The following CD163L1 variants were observed in gnomAD, a reference collection of about 807,000 sequenced individuals.
CD163L1 encodes CD163 molecule like 1, also known as scavenger receptor cysteine-rich type 1 protein M160.
In CD163L1, 124 loss-of-function variants were observed where a neutral mutation model predicts 165.4. The ratio of observed to expected loss-of-function variants is 0.75; its 90% confidence interval spans 0.65 to 0.87. CD163L1 has a LOEUF of 0.87. CD163L1 is among the 40% of genes least tolerant of loss of function. CD163L1 has a pLI of 0.00. For missense variants in CD163L1, 1,525 were observed against 1,799.9 expected, an observed-to-expected ratio of 0.85 and a Z score of 2.76; for synonymous variants, 585 against 662.2, an observed-to-expected ratio of 0.88 and a Z score of 1.79.
chr12:7,415,145 TA>T (rs538662961), intron 4 of CD163L1, among the ~76,000 whole-genome samples: 30 of 152,094 alleles, frequency 2.0e-4, no homozygotes, highest in Non-Finnish European at 3.8e-4. Context: ...TGTTACTGGA[TA>T]AAAAATATAA....
At chr12:7,422,475 G>T (rs1948457156) in intron 4 of CD163L1, among the ~76,000 whole-genome samples, 1 of 151,868 alleles carries the variant, frequency 6.6e-6, no homozygotes, top group Non-Finnish European at 1.5e-5. Context: ...CAGAAGGTGG[G>T]TAATAAGAAA....
chr12:7,349,524 G>A (rs1326003483), intron 4 of CD163L1, among the ~76,000 whole-genome samples: 1 of 152,166 alleles, frequency 6.6e-6, no homozygotes, highest in African/African-American at 2.4e-5. Flanking sequence ...TTCAGGAATT[G>A]CAAGTAATAA....
exon 5 of CD163L1, chr12:7,346,923 T>C (rs989051939): frequency 1.2e-4 from 18 of 152,194 alleles, no homozygotes; most frequent in African/African-American, 4.3e-4. Flanking sequence ...CCCGCAAACC[T>C]AGTCATTTAG....
intron 18 of CD163L1, among the ~76,000 whole-genome samples, chr12:7,366,845 AT>A (rs1406700606): frequency 1.3e-5 from 2 of 152,216 alleles, no homozygotes; most frequent in Non-Finnish European, 2.9e-5. Context: ...ACAAATATAG[AT>A]AAGATTCAAG....
chr12:7,421,481 G>A lies in CD163L1; in HGVS notation c.766+10935C>T, dbSNP rs867396296. Among the ~76,000 whole-genome samples, 246 of 93,216 alleles carry A rather than the reference G, an allele frequency of 2.6e-3. 37 individuals carry two copies. The highest frequency in any genetic ancestry group is 0.012 in the African/African-American group (228 of 18,918). The allele number at this position is 93,216 out of a possible 152,430, so 61.2% of individuals were successfully genotyped here. ...CATATATACATATATATACATATATGTACATATATACATATATGTACATAT... is the reference window on the plus strand; with the variant it reads ...CATATATACATATATATACATATATATACATATATACATATATGTACATAT... On this transcript the variant is annotated intron_variant, in intron 4 of 19. Coordinates refer to ENST00000313599, the MANE Select transcript of CD163L1 (RefSeq NM_174941.6).
At chr12:7,320,076 CTTAAGT>C in the CD163L1 span, among the ~76,000 whole-genome samples, 1 of 152,156 alleles carries the variant, frequency 6.6e-6, no homozygotes, top group African/African-American at 2.4e-5. Flanking sequence ...CTCCCAAATA[CTTAAGT>C]TTAATACAAA....
downstream of CD163L1, among the ~76,000 whole-genome samples, chr12:7,352,474 C>T (rs1946714171): frequency 6.6e-6 from 1 of 152,042 alleles, no homozygotes; most frequent in African/African-American, 2.4e-5. Context: ...AGACCACACA[C>T]ACATGCAGAA....
At chr12:7,321,003 GCCAGTAGCACCTCCT>G in the CD163L1 span, among the ~76,000 whole-genome samples, 3 of 152,092 alleles carry the variant, frequency 2.0e-5, no homozygotes, top group African/African-American at 7.2e-5. Context: ...TCTATTAGAC[GCCAGTAGCACCTCCT>G]CCTCCCCATT....
chr12:7,432,100 G>C lies in CD163L1; in HGVS notation c.766+316C>G, dbSNP rs1948638871. Among the ~76,000 whole-genome samples the C allele has an allele frequency of 6.6e-6, 1 of 152,120 alleles. No individual in the cohort carries two copies. The highest frequency in any genetic ancestry group is 2.4e-5 in the African/African-American group (1 of 41,414). ...TAGACTAAGAATGAGTGACCTCAGA[G>C]AAAGAAGGGAAAAATATGATATTGT... On this transcript the variant is annotated intron_variant, in intron 4 of 19. Coordinates refer to ENST00000313599, the MANE Select transcript of CD163L1 (RefSeq NM_174941.6). This position sits in a 1 kb window ranked among gnomAD's most constrained non-coding sequence, Gnocchi z 4.2.
chr12:7,350,723 CCAAA>C (rs1946701200), downstream of CD163L1, among the ~76,000 whole-genome samples: 1 of 151,954 alleles, frequency 6.6e-6, no homozygotes, highest in African/African-American at 2.4e-5. Context: ...TGATAATTAC[CCAAA>C]CAGATGTTAG....
chr12:7,340,840 G>A, the CD163L1 span, among the ~76,000 whole-genome samples: 8 of 152,172 alleles, frequency 5.3e-5, no homozygotes, highest in South Asian at 4.1e-4. Context: ...TCTCTTATAC[G>A]TCAACTTCCA....
rs1947765447 is a variant in CD163L1, at chr12:7,396,018, A to C, written c.2050+77T>G. On this transcript the variant is annotated intron_variant, in intron 8 of 19. Coordinates refer to ENST00000313599, the MANE Select transcript of CD163L1 (RefSeq NM_174941.6). ...GCAATGAGCACTCGGTCATAAATGT[A>C]CTGACTAAGAAGAAAGAAGGTATGT... is the stretch of plus-strand genomic sequence containing the variant. 9 of 1,171,854 alleles carry C rather than the reference A, an allele frequency of 7.7e-6. No individual in the cohort carries two copies. In the South Asian group the frequency reaches 1.2e-4, roughly 16 times the overall value. The allele number at this position is 1,171,854 out of a possible 1,614,324, so 72.6% of individuals were successfully genotyped here.
intron 18 of CD163L1, among the ~76,000 whole-genome samples, chr12:7,364,457 A>G (rs1946969617): frequency 1.3e-5 from 2 of 152,306 alleles, no homozygotes; most frequent in South Asian, 4.1e-4. Flanking sequence ...GGCAAGAGAA[A>G]GACATATGGG....
chr12:7,439,032 C>T, intron 2 of CD163L1: 4 of 1,605,664 alleles, frequency 2.5e-6, no homozygotes, highest in African/African-American at 1.4e-5. Flanking sequence ...TCGGTATCCT[C>T]CTCAGCACTC....
rs1476700890 is a variant in CD163L1 at position 7,374,557 on chromosome 12, G to T, written c.3294C>A (p.Ile1098=). ...SAHFGEGSGP[I]WLDDLNCTGM... ...CTGTGCAGTTCAGGTCATCCAGCCA[G>T]ATGGGCCCTGACCCCTCCCCAAAGT... Residue 1098 remains isoleucine (I), a synonymous_variant, in exon 13 of 20, where the codon ATC becomes ATA. Transcript: ENST00000313599. This position sits in a 1 kb window ranked among gnomAD's most constrained non-coding sequence, Gnocchi z 5.4. 1.2e-6 allele frequency: 2 copies of T among 1,614,226 alleles called. No homozygotes were observed. The highest frequency in any genetic ancestry group is 2.7e-5 in the African/African-American group (2 of 75,062).
At chr12:7,407,650 T>C (rs745895602) in intron 4 of CD163L1, among the ~76,000 whole-genome samples, 5 of 151,298 alleles carry the variant, frequency 3.3e-5, no homozygotes, top group South Asian at 2.1e-4. Context: ...GATATATATA[T>C]ACACACACAC....
chr12:7,420,985 GTATATATATACATA>G (rs1234864197), intron 4 of CD163L1, among the ~76,000 whole-genome samples: 2 of 133,676 alleles, frequency 1.5e-5, no homozygotes, highest in African/African-American at 5.9e-5. Context: ...AGAAATTGTG[GTATATATATACATA>G]TATATATATA....
chr12:7,340,353 GC>G, the CD163L1 span, among the ~76,000 whole-genome samples: 2 of 151,922 alleles, frequency 1.3e-5, no homozygotes, highest in African/African-American at 4.8e-5. Context: ...TTGGGTTGTC[GC>G]CTCCCCACCA....
chr12:7,340,737 G>C, the CD163L1 span, among the ~76,000 whole-genome samples: 1 of 152,140 alleles, frequency 6.6e-6, no homozygotes, highest in Non-Finnish European at 1.5e-5. Flanking sequence ...TCTCCCCCAT[G>C]GAAGGGCAGA....
Sources: gnomAD v4.1 joint callset for allele counts (sites outside exome capture counted in the v4.1 genomes callset) on GRCh38, gnomAD v4.1.1 for gene constraint, Gnocchi (gnomAD v3.1) non-coding constraint, MANE v1.5 for transcripts, NCBI Gene and HGNC (gene_info 2026-07-23, HGNC 2026-07-21) for gene names.